TRIM29: variants seen among roughly 807,000 people sequenced by gnomAD.
The protein encoded by TRIM29 is tripartite motif containing 29.
A neutral mutation model predicts 57.3 loss-of-function variants in TRIM29; 52 were observed. The observed-to-expected ratio is 0.91, with a 90% CI of 0.73 to 1.14. The LOEUF is 1.14. Among genes scored for constraint, TRIM29 ranks in the 50% most tolerant of loss-of-function variants. TRIM29 has a pLI of 0.00. For missense variants in TRIM29, 753 were observed against 774.6 expected (o/e 0.97, Z 0.33); for synonymous variants, 319 against 316.9 (o/e 1.01, Z -0.07).
At chr11:120,128,526 C>A in intron 1 of TRIM29, 31 bp from the exon 2 acceptor site, 1 of 1,599,292 alleles carries the variant, frequency 6.3e-7, no homozygotes. Context: ...TTGGAGAAGT[C>A]AGGGGGAGGA....
intron 8 of TRIM29, 99 bp from the exon 9 acceptor site, chr11:120,112,575 C>A: frequency 7.6e-7 from 1 of 1,310,984 alleles, no homozygotes; most frequent in South Asian, 1.2e-5. Flanking sequence ...CAGCAGTGAT[C>A]CAAGACCCGA....
At position 120,125,724 on chromosome 11, in the gene TRIM29, G is replaced by A. The variant is rs143039285; in HGVS notation, c.1300C>T (p.Arg434Cys). 5.2e-5 allele frequency: 84 copies of A among 1,614,032 alleles called. No individual in the cohort carries two copies. The African/African-American group carries it at 9.5e-4, about 18-fold the overall frequency. Reference protein sequence around the residue: ...VEKMCKADLSRNFIERNHMEN... With the variant: ...VEKMCKADLSCNFIERNHMEN... ...ATGTGGTTCCTCTCAATGAAGTTAC[G>A]GCTCAGGTCCGCCTTGCACATCTTC... The change falls in exon 4 of 9, where the codon CGT (arginine) becomes TGT (cysteine). Residue 434 changes from arginine (R) to cysteine (C), a missense_variant. By Grantham distance (180) the Arg-to-Cys change is radical. Transcript: ENST00000341846.
intron 1 of TRIM29, among the ~76,000 whole-genome samples, chr11:120,130,788 CA>C (rs1863706770): frequency 6.6e-6 from 1 of 152,154 alleles, no homozygotes; most frequent in African/African-American, 2.4e-5. Flanking sequence ...ATGCTCGGAG[CA>C]GTGTGTGCAG....
At chr11:120,119,975 A>G (rs1252756146) in intron 6 of TRIM29, among the ~76,000 whole-genome samples, 1 of 151,272 alleles carries the variant, frequency 6.6e-6, no homozygotes, top group Non-Finnish European at 1.5e-5. Context: ...ACATCCCCAC[A>G]CCCATTTCAT....
intron 5 of TRIM29, 132 bp downstream of exon 5, chr11:120,122,822 A>T (rs1863492020): frequency 1.4e-6 from 1 of 693,444 alleles, no homozygotes; most frequent in Non-Finnish European, 2.6e-6. Context: ...AGATGCCAGG[A>T]CTTTCCCAGG....
At chr11:120,135,674 C>T (rs1052335578) in intron 1 of TRIM29, among the ~76,000 whole-genome samples, 5 of 152,104 alleles carry the variant, frequency 3.3e-5, no homozygotes, top group Non-Finnish European at 5.9e-5. Flanking sequence ...CTGGGCCAAA[C>T]GAGGCTTCTG....
At chr11:120,121,147 G>A (rs1031384447) in intron 5 of TRIM29, among the ~76,000 whole-genome samples, 1 of 151,976 alleles carries the variant, frequency 6.6e-6, no homozygotes, top group African/African-American at 2.4e-5. Flanking sequence ...AGCTCCCCAT[G>A]TGTATTCTAG....
At chr11:120,123,229 T>C in intron 4 of TRIM29, 174 bp from the exon 5 acceptor site, 1 of 702,882 alleles carries the variant, frequency 1.4e-6, no homozygotes, top group African/African-American at 1.7e-5. Context: ...ATTCACTCGG[T>C]TCCTGAGCTC....
rs762833663 is a variant in TRIM29 at position 120,137,218 on chromosome 11, C to T, written c.804+10G>A. 1 of 1,613,404 alleles carries T rather than the reference C, an allele frequency of 6.2e-7. No individual in the cohort carries two copies. The highest frequency in any genetic ancestry group is 1.3e-5 in the African/African-American group (1 of 75,056). On this transcript the variant is annotated intron_variant, in intron 1 of 8. Transcript: ENST00000341846. The surrounding 1 kb of genome is among the most constrained non-coding windows in gnomAD (Gnocchi z 6.2). ...AGGCCTGGAGGGGCAGGAGGGGCCC[C>T]AGCACTTACCTCCTTCTCGGCCTTG...
Position 120,127,483 on chromosome 11 carries a change from C to A in TRIM29, c.987G>T (p.Arg329Ser), listed in dbSNP as rs200231545. The change falls in exon 3 of 9, where the codon AGG (arginine) becomes AGT (serine). Residue 329 changes from arginine to serine, a missense_variant. Arg to Ser is a moderately radical substitution (Grantham distance 110). Coordinates refer to ENST00000341846, the MANE Select transcript of TRIM29 (RefSeq NM_012101.4). Reference protein sequence around the residue: ...RDLEKQKEEVRAALEQREQDA... With the variant: ...RDLEKQKEEVSAALEQREQDA... Reference sequence around the variant, plus strand: ...CCTGCTCCCGCTGCTCCAGCGCAGCCCTCACTTCCTCCTTTTGCTTCTCCA... The same window carrying A: ...CCTGCTCCCGCTGCTCCAGCGCAGCACTCACTTCCTCCTTTTGCTTCTCCA... 2.1e-5 allele frequency: 34 copies of A among 1,614,178 alleles called. No homozygotes were observed. The highest frequency in any genetic ancestry group is 2.7e-5 in the Non-Finnish European group (32 of 1,180,030).
In TRIM29 at chr11:120,137,946, A is replaced by C; in HGVS notation, c.86T>G (p.Leu29Arg). The C allele has an allele frequency of 6.2e-7, 1 of 1,608,096 alleles. No individual in the cohort carries two copies. Among genetic ancestry groups the C allele is most frequent in the Non-Finnish European group, 8.5e-7 (1 of 1,179,984 alleles). Residue 29 changes from leucine to arginine, a missense_variant, in exon 1 of 9, where the codon CTG becomes CGG. Leu to Arg is a moderately radical substitution (Grantham distance 102). Coordinates refer to ENST00000341846, the MANE Select transcript of TRIM29 (RefSeq NM_012101.4). The surrounding 1 kb of genome is among the most constrained non-coding windows in gnomAD (Gnocchi z 6.2). ...ARSPSGPSGS[L>R]ENGTKADGKD... ...GCCGTCAGCCTTGGTGCCATTCTCCAGGCTGCCACTGGGGCCCGACGGGCT... is the reference window on the plus strand; with the variant it reads ...GCCGTCAGCCTTGGTGCCATTCTCCCGGCTGCCACTGGGGCCCGACGGGCT...
chr11:120,127,219 G>A, intron 3 of TRIM29, 117 bp downstream of exon 3: 2 of 831,728 alleles, frequency 2.4e-6, no homozygotes, highest in Non-Finnish European at 3.8e-6. Flanking sequence ...GATGGTGGAT[G>A]AACAGATAGA....
chr11:120,127,642 G>T lies in TRIM29; in HGVS notation c.901-73C>A. On this transcript the variant is annotated intron_variant, in intron 2 of 8. Transcript: ENST00000341846. ...GAAAGAAATCACCCTAGTCGGGTAT[G>T]TCTTTAGGTTTCCAGCACAGGATCA... The T allele has an allele frequency of 3.6e-6, 5 of 1,379,334 alleles. No individual in the cohort carries two copies. In the Admixed American group the frequency reaches 6.6e-5, roughly 18 times the overall value. The allele number at this position is 1,379,334 out of a possible 1,614,324, so 85.4% of individuals were successfully genotyped here. A position where few individuals can be genotyped will look rare whatever the true frequency, so the allele number is the denominator to read the frequency against.
chr11:120,137,558 C>T lies in TRIM29; in HGVS notation c.474G>A (p.Thr158=). 1 of 1,610,902 alleles carries T rather than the reference C, an allele frequency of 6.2e-7. No homozygotes were observed. The highest frequency in any genetic ancestry group is 1.7e-4 in the Middle Eastern group (1 of 6,046). ...CGGACTTGGACCGTGAAAAAAGGCCCGTGTCGGCCCGGGGGTAGCTGTTCC... is the reference window on the plus strand; with the variant it reads ...CGGACTTGGACCGTGAAAAAAGGCCTGTGTCGGCCCGGGGGTAGCTGTTCC... ...TRRNSYPRAD[T]GLFSRSKSGS... is the part of the protein sequence containing the mutation. The change falls in exon 1 of 9, where the codon ACG becomes ACA. Residue 158 remains threonine, a synonymous_variant. Transcript: ENST00000341846. The surrounding 1 kb of genome is among the most constrained non-coding windows in gnomAD (Gnocchi z 6.2).
chr11:120,121,725 A>C (rs1591322258), intron 5 of TRIM29: 2 of 246,594 alleles, frequency 8.1e-6, no homozygotes, highest in South Asian at 4.6e-5. Flanking sequence ...TGTTCCCTCC[A>C]CCCCCTCCCA....
intron 3 of TRIM29, 69 bp from the exon 4 acceptor site, chr11:120,125,958 G>A: frequency 1.3e-6 from 2 of 1,505,268 alleles, no homozygotes; most frequent in Non-Finnish European, 1.8e-6. Context: ...TCTCTGCCAG[G>A]GGCTCTCACA....
Position 120,123,540 on chromosome 11 carries a change from T to C in TRIM29, c.1334-485A>G, listed in dbSNP as rs192792534. 466 of 436,184 alleles carry C rather than the reference T, an allele frequency of 1.1e-3. 2 individuals are homozygous for C. Among genetic ancestry groups the C allele is most frequent in the African/African-American group, 6.8e-3 (337 of 49,906 alleles). 27.0% of individuals were successfully genotyped at this position (436,184 alleles called of 1,614,324 possible). On this transcript the variant is annotated intron_variant, in intron 4 of 8. Transcript: ENST00000341846. ...CCCAGCCACTGCTGGCAGCCTAAGG[T>C]GAGGGGATGAGGTCCCAGTGTTGGC... is the stretch of plus-strand genomic sequence containing the variant.
Position 120,128,997 on chromosome 11 carries a change from C to T in TRIM29, c.805-502G>A, listed in dbSNP as rs900799052. The T allele has an allele frequency of 7.1e-6, 8 of 1,133,134 alleles. No homozygotes were observed. The East Asian group carries it at 2.6e-4, about 36-fold the overall frequency. The allele number at this position is 1,133,134 out of a possible 1,614,324, so 70.2% of individuals were successfully genotyped here. On this transcript the variant is annotated intron_variant, in intron 1 of 8. Transcript: ENST00000341846. ...CAGCCAGGGTTGCCGCCGGCGTGGA[C>T]TCCGTCTGGGCAGGCACAGCTATAA...
At chr11:120,123,905 G>GCCTGGTGT (rs1234684008) in intron 4 of TRIM29, 1 of 201,894 alleles carries the variant, frequency 5.0e-6, no homozygotes, top group Admixed American at 5.3e-5. Flanking sequence ...GGATGAAGTG[G>GCCTGGTGT]CCTGGTGTCT....
Sources: gnomAD v4.1 joint callset for allele counts (sites outside exome capture counted in the v4.1 genomes callset) on GRCh38, gnomAD v4.1.1 for gene constraint, Gnocchi (gnomAD v3.1) non-coding constraint, MANE v1.5 for transcripts, NCBI Gene and HGNC (gene_info 2026-07-23, HGNC 2026-07-21) for gene names.